The following SLC38A6 variants were observed in gnomAD, a reference collection of about 807,000 sequenced individuals.
SLC38A6 encodes the protein N system amino acid transporter NAT-1.
A neutral mutation model predicts 65.0 loss-of-function variants in SLC38A6; 73 were observed. The observed-to-expected ratio is 1.12, with a 90% CI of 0.93 to 1.37. The LOEUF (loss-of-function observed/expected upper bound fraction) is 1.37. Among genes scored for constraint, SLC38A6 ranks in the 40% most tolerant of loss-of-function variants. The pLI is 0.00. For synonymous variants in SLC38A6, 183 were observed against 178.8 expected (o/e 1.02, Z -0.19); for missense variants, 561 against 531.1 (o/e 1.06, Z -0.55).
intron 15 of SLC38A6, among the ~76,000 whole-genome samples, chr14:61,062,846 A>G (rs1201811571): frequency 6.6e-6 from 1 of 152,050 alleles, no homozygotes; most frequent in Non-Finnish European, 1.5e-5. Flanking sequence ...ACACCCAGCT[A>G]ATTTTTGTAT....
At chr14:61,052,320 A>G (rs748144274) in intron 15 of SLC38A6, 29 bp from the exon 16 acceptor site, 1 of 1,518,746 alleles carries the variant, frequency 6.6e-7, no homozygotes, top group South Asian at 1.3e-5. Context: ...TATCTTTCTT[A>G]TCTTTTATCT....
intron 8 of SLC38A6, among the ~76,000 whole-genome samples, chr14:61,038,927 A>G (rs1210414118): frequency 6.6e-6 from 1 of 152,196 alleles, no homozygotes; most frequent in Admixed American, 6.5e-5. Flanking sequence ...GAAAAAAACT[A>G]AATATTTCCA....
At chr14:60,997,711 G>T (rs2038394730) in intron 3 of SLC38A6, among the ~76,000 whole-genome samples, 1 of 152,176 alleles carries the variant, frequency 6.6e-6, no homozygotes, top group African/African-American at 2.4e-5. Flanking sequence ...TTAACAAATG[G>T]TGGGGTGCAG....
At chr14:61,034,268 G>A (rs781628997) in intron 6 of SLC38A6, 4 of 152,138 alleles carry the variant, frequency 2.6e-5, no homozygotes, top group Admixed American at 1.3e-4. Flanking sequence ...AAGAGTCCTG[G>A]TCCTGGGGAT....
intron 15 of SLC38A6, among the ~76,000 whole-genome samples, chr14:61,063,261 A>G (rs573886151): frequency 2.6e-5 from 4 of 152,236 alleles, no homozygotes; most frequent in African/African-American, 9.6e-5. Context: ...CCTCCCTCTA[A>G]ATCCTATCTA....
intron 3 of SLC38A6, among the ~76,000 whole-genome samples, chr14:61,005,142 A>T (rs2038998034): frequency 6.6e-6 from 1 of 152,148 alleles, no homozygotes; most frequent in Admixed American, 6.5e-5. Flanking sequence ...CAGCCCATTC[A>T]TGCTAAAAAC....
chr14:61,014,852 T>G (rs572331850), intron 3 of SLC38A6, among the ~76,000 whole-genome samples: 7 of 152,274 alleles, frequency 4.6e-5, no homozygotes, highest in African/African-American at 1.4e-4. Flanking sequence ...TGAGGAGGCA[T>G]TCTGTCCCTT....
exon 17 of SLC38A6, chr14:61,083,607 G>C (rs1032108131): frequency 2.6e-6 from 4 of 1,550,434 alleles, no homozygotes; most frequent in African/African-American, 2.7e-5. Flanking sequence ...CAAGGACACA[G>C]CAAGAAGGCA....
chr14:61,012,621 C>T (rs921169103), intron 3 of SLC38A6, among the ~76,000 whole-genome samples: 3 of 152,154 alleles, frequency 2.0e-5, no homozygotes, highest in African/African-American at 7.2e-5. Context: ...GTCTTTATTT[C>T]TGCCTTCATT....
chr14:61,081,476 G>T (rs1165085850), intron 16 of SLC38A6, among the ~76,000 whole-genome samples: 1 of 152,180 alleles, frequency 6.6e-6, no homozygotes, highest in Admixed American at 6.5e-5. Flanking sequence ...CCAGAGGTCA[G>T]AAGTTCGAGA....
intron 15 of SLC38A6, among the ~76,000 whole-genome samples, chr14:61,072,697 A>C (rs1332316050): frequency 6.6e-6 from 1 of 152,222 alleles, no homozygotes. Context: ...ATGTTGTTGC[A>C]AATGAAAAGA....
intron 8 of SLC38A6, among the ~76,000 whole-genome samples, chr14:61,040,043 G>T (rs1016801083): frequency 6.6e-6 from 1 of 151,156 alleles, no homozygotes; most frequent in Non-Finnish European, 1.5e-5. Flanking sequence ...ACCTTTTTTT[G>T]GTAAATTTAC....
At chr14:60,997,972 T>C (rs762218967) in intron 3 of SLC38A6, among the ~76,000 whole-genome samples, 4 of 151,922 alleles carry the variant, frequency 2.6e-5, no homozygotes, top group Non-Finnish European at 4.4e-5. Flanking sequence ...TACTCTTGTC[T>C]ACTAATAAGA....
intron 6 of SLC38A6, chr14:61,034,277 A>G (rs1329006092): frequency 6.6e-6 from 1 of 152,164 alleles, no homozygotes; most frequent in African/African-American, 2.4e-5. Context: ...GGTCCTGGGG[A>G]TTAAATGCTC....
chr14:60,998,686 G>T (rs1179203789), intron 3 of SLC38A6, among the ~76,000 whole-genome samples: 3 of 152,226 alleles, frequency 2.0e-5, no homozygotes, highest in African/African-American at 7.2e-5. Context: ...ACTGTAGCAT[G>T]CCCACTGGGG....
intron 3 of SLC38A6, among the ~76,000 whole-genome samples, chr14:61,011,706 C>G (rs1302031838): frequency 1.3e-5 from 2 of 152,142 alleles, no homozygotes; most frequent in South Asian, 4.1e-4. Flanking sequence ...GTATGTTGAA[C>G]CAGCCTTCCA....
At chr14:61,081,168 T>C (rs968940316) in intron 16 of SLC38A6, among the ~76,000 whole-genome samples, 2 of 93,784 alleles carry the variant, frequency 2.1e-5, no homozygotes, top group Non-Finnish European at 5.5e-5. Flanking sequence ...ATAGGCGTTT[T>C]GAGCAGGAGA....
chr14:60,992,851 C>CT (rs35754433), intron 3 of SLC38A6, among the ~76,000 whole-genome samples: 31,604 of 141,082 alleles, frequency 0.22, 3,719 homozygotes, highest in Middle Eastern at 0.31. Flanking sequence ...TGCCTCCAAA[C>CT]TTTTTTTTTT....
chr14:60,994,938 A>T (rs941751501), intron 3 of SLC38A6, among the ~76,000 whole-genome samples: 3 of 130,616 alleles, frequency 2.3e-5, no homozygotes, highest in African/African-American at 8.6e-5. Flanking sequence ...CAGGTGATGG[A>T]GGTTGCAGTG....
Sources: gnomAD v4.1 joint callset for allele counts (sites outside exome capture counted in the v4.1 genomes callset) on GRCh38, gnomAD v4.1.1 for gene constraint, MANE v1.5 for transcripts, NCBI Gene and HGNC (gene_info 2026-07-23, HGNC 2026-07-21) for gene names.